The following SLC26A1 variants were observed in gnomAD, a reference collection of about 807,000 sequenced individuals.
SLC26A1 encodes sulfate anion transporter 1.
SLC26A1 carries 18 observed loss-of-function variants against 14.5 expected under a neutral mutation model. The ratio of observed to expected loss-of-function variants is 1.24; its 90% CI spans 0.86 to 1.84. SLC26A1 has a LOEUF of 1.84. SLC26A1 is among the 40% of genes most tolerant of loss of function. SLC26A1 has a pLI of 0.00. For synonymous variants in SLC26A1, 505 were observed against 492.0 expected, an observed-to-expected ratio of 1.03 and a Z score of -0.35; for missense variants, 1,049 against 1,020.0, an observed-to-expected ratio of 1.03 and a Z score of -0.39.
intron 2 of SLC26A1, among the ~76,000 whole-genome samples, chr4:981,173 G>A (rs188098971): frequency 2.0e-4 from 30 of 152,322 alleles, no homozygotes; most frequent in Non-Finnish European, 3.7e-4. Context: ...TCCAGGCTGC[G>A]CCGGGACCTC....
chr4:979,344 C>G, exon 3 of SLC26A1: 1 of 975,644 alleles, frequency 1.0e-6, no homozygotes, highest in Admixed American at 2.0e-5. Context: ...ACCGGCTTCT[C>G]GTGAGGCTGG....
downstream of SLC26A1, among the ~76,000 whole-genome samples, chr4:983,301 G>T (rs1713600847): frequency 6.6e-6 from 1 of 152,200 alleles, no homozygotes; most frequent in African/African-American, 2.4e-5. Flanking sequence ...GTCCCAGGCA[G>T]GTCGTAGAAA....
chr4:989,226 G>C lies in SLC26A1; in HGVS notation c.1713C>G (p.Ala571=), dbSNP rs36069160. The C allele has an allele frequency of 0.013, 21,472 of 1,611,008 alleles. 175 individuals are homozygous for C. The highest frequency in any genetic ancestry group is 0.016 in the Non-Finnish European group (18,710 of 1,178,684). ...LTGLDAGCMA[A]RRKEGGSETG... is the part of the protein sequence containing the mutation. ...TCTCTGAGCCCCCCTCCTTCCTCCTGGCAGCCATGCACCCTGCGTCCAGCC... is the reference window on the plus strand; with the variant it reads ...TCTCTGAGCCCCCCTCCTTCCTCCTCGCAGCCATGCACCCTGCGTCCAGCC... The change falls in exon 3 of 3, where the codon GCC becomes GCG. Residue 571 remains alanine (A), a synonymous_variant. Coordinates refer to ENST00000398516, the MANE Select transcript of SLC26A1 (RefSeq NM_022042.4).
downstream of SLC26A1, among the ~76,000 whole-genome samples, chr4:984,953 G>A (rs75230089): frequency 9.3e-4 from 142 of 152,180 alleles, 3 homozygotes; most frequent in East Asian, 0.017. Flanking sequence ...TTCCAGCACC[G>A]TGCAGTGAGG....
chr4:989,177 C>T lies in SLC26A1; in HGVS notation c.1762G>A (p.Ala588Thr). 5.6e-6 allele frequency: 9 copies of T among 1,607,144 alleles called. No homozygotes were observed. The highest frequency in any genetic ancestry group is 7.7e-6 in the Non-Finnish European group (9 of 1,176,208). The change falls in exon 3 of 3, where the codon GCC becomes ACC. Residue 588 changes from alanine (A) to threonine (T), a missense_variant. By Grantham distance (58) the Ala-to-Thr change is moderately conservative (BLOSUM62 0). Transcript: ENST00000398516. ...ACCGGGCCCAGGTCCTCGCCCTGGG[C>T]AGGGCCTCCCTCACCGACCCCCGTC... ...SETGVGEGGP[A>T]QGEDLGPVST...
chr4:987,674 CATTTT>C lies in SLC26A1; in HGVS notation c.*1154_*1158del. The stretch of plus-strand genomic sequence containing the variant: ...TCCCCACATTCCTGGCCCTAAGGGT[CATTTT>C]ATTAGTCACTGAACGCACGGGCAGC... On this transcript the variant is annotated 3_prime_UTR_variant, in exon 3 of 3. Coordinates refer to ENST00000398516, the MANE Select transcript of SLC26A1 (RefSeq NM_022042.4). The C allele has an allele frequency of 6.7e-7, 1 of 1,493,604 alleles. No individual in the cohort carries two copies. The highest frequency in any genetic ancestry group is 8.9e-7 in the Non-Finnish European group (1 of 1,118,748). The allele number at this position is 1,493,604 out of a possible 1,614,324, so 92.5% of individuals were successfully genotyped here.
intron 1 of SLC26A1, among the ~76,000 whole-genome samples, 199 bp downstream of exon 1, chr4:993,102 C>T (rs1439375520): frequency 6.6e-6 from 1 of 152,110 alleles, no homozygotes; most frequent in Non-Finnish European, 1.5e-5. Flanking sequence ...CCCTGGAAGA[C>T]CCCACCACAC....
chr4:988,057 C>T lies in SLC26A1; in HGVS notation c.*776G>A, dbSNP rs1172015871. 14 of 1,474,498 alleles carry T rather than the reference C, an allele frequency of 9.5e-6. No homozygotes were observed. Among genetic ancestry groups the T allele is most frequent in the South Asian group, 1.3e-5 (1 of 74,256 alleles). The allele number at this position is 1,474,498 out of a possible 1,614,324, so 91.3% of individuals were successfully genotyped here. A position where few individuals can be genotyped will look rare whatever the true frequency, so the allele number is the denominator to read the frequency against. ...GACCCCTTGTTCCCCCACCTCCCGC[C>T]GAAGCACCCTGTTGGGGAGAGCGTG... On this transcript the variant is annotated 3_prime_UTR_variant, in exon 3 of 3. Coordinates refer to ENST00000398516, the MANE Select transcript of SLC26A1 (RefSeq NM_022042.4).
Position 981,299 on chromosome 4 carries a change from C to T in SLC26A1, c.577-1795G>A, listed in dbSNP as rs527522575. Among the ~76,000 whole-genome samples, 30 of 152,316 alleles carry T rather than the reference C, an allele frequency of 2.0e-4. 1 individual carries two copies. The South Asian group carries it at 5.8e-3, about 29-fold the overall frequency. ...TGGGTTCTGGTGGCAACATATTCCT[C>T]GTTTCCAAATTTTACGTCCAAATAA... On this transcript the variant is annotated intron_variant, in intron 2 of 2. Transcript: ENST00000398520.
chr4:989,520 G>GT lies in SLC26A1; in HGVS notation c.1418_1419insA (p.Trp474LeufsTer61). On this transcript the variant is annotated frameshift_variant, in exon 3 of 3. Transcript: ENST00000398516. LOFTEE classifies it low-confidence loss of function (END_TRUNC). ...TACAGGTGGCCGCGGTGCCTGCCCA[G>GT]ACCAGCGCGTCAGCCGGGCTCATCC... 3 of 1,554,680 alleles carry GT rather than the reference G, an allele frequency of 1.9e-6. No individual in the cohort carries two copies. The highest frequency in any genetic ancestry group is 2.6e-6 in the Non-Finnish European group (3 of 1,149,982).
Position 988,302 on chromosome 4 carries a change from G to T in SLC26A1, c.*531C>A. The T allele has an allele frequency of 8.9e-7, 1 of 1,124,012 alleles. No individual in the cohort carries two copies. Among genetic ancestry groups the T allele is most frequent in the Non-Finnish European group, 1.1e-6 (1 of 915,196 alleles). The allele number at this position is 1,124,012 out of a possible 1,614,324, so 69.6% of individuals were successfully genotyped here. ...GAGGTCTCATCGGTCACAGCACCCT[G>T]GGCCCTGACGCTGGTGCAGGTGGCC... On this transcript the variant is annotated 3_prime_UTR_variant, in exon 3 of 3. Coordinates refer to ENST00000398516, the MANE Select transcript of SLC26A1 (RefSeq NM_022042.4).
Position 992,072 on chromosome 4 carries a change from C to T in SLC26A1, c.-27-342G>A, listed in dbSNP as rs944774509. The T allele has an allele frequency of 2.8e-5, 15 of 534,314 alleles. No homozygotes were observed. In the East Asian group the frequency reaches 3.1e-4, roughly 11 times the overall value. 33.1% of individuals were successfully genotyped at this position (534,314 alleles called of 1,614,324 possible). ...GGCTCTGCGGTTCCTGGCTGAAAAC[C>T]ACCCTGTAGCCTCCTGAAGCTCACC... On this transcript the variant is annotated intron_variant, in intron 1 of 2. Transcript: ENST00000398516.
rs371494303 is a variant in SLC26A1, at chr4:981,879, G to A, written c.577-2375C>T. Among the ~76,000 whole-genome samples the A allele has an allele frequency of 8.6e-5, 13 of 151,712 alleles. No individual in the cohort carries two copies. The South Asian group carries it at 2.7e-3, about 32-fold the overall frequency. On this transcript the variant is annotated intron_variant, in intron 2 of 2. Coordinates refer to the SLC26A1 transcript ENST00000398520. ...TGCCCAGGCTGGAGTGCAGTGGCGCGATCTCAGCTTGCTGCAAGCTCGGTG... is the reference window on the plus strand; with the variant it reads ...TGCCCAGGCTGGAGTGCAGTGGCGCAATCTCAGCTTGCTGCAAGCTCGGTG...
downstream of SLC26A1, among the ~76,000 whole-genome samples, chr4:982,881 A>G (rs1409770418): frequency 2.6e-5 from 4 of 152,192 alleles, no homozygotes; most frequent in African/African-American, 9.6e-5. Context: ...CTCTGTGTCA[A>G]ACCCCCCTCC....
At chr4:987,556 G>A, downstream of SLC26A1, 1 of 1,238,962 alleles carries the variant, frequency 8.1e-7, no homozygotes, top group South Asian at 1.6e-5. Context: ...TCCACCTAGA[G>A]CTGAGGTACC....
chr4:987,855 G>A lies in SLC26A1; in HGVS notation c.*978C>T. 1 of 1,612,470 alleles carries A rather than the reference G, an allele frequency of 6.2e-7. No individual in the cohort carries two copies. The highest frequency in any genetic ancestry group is 8.5e-7 in the Non-Finnish European group (1 of 1,179,862). ...GGCTGACCAGTACGTCCTCAGCTGG[G>A]ACCAGCAGCTCAACCTCGCCTATGT... On this transcript the variant is annotated 3_prime_UTR_variant, in exon 3 of 3. Coordinates refer to ENST00000398516, the MANE Select transcript of SLC26A1 (RefSeq NM_022042.4).
Position 989,085 on chromosome 4 carries a change from C to T in SLC26A1, c.1854G>A (p.Pro618=), listed in dbSNP as rs748205966. The part of the protein sequence containing the change: ...GFHTVVIDCA[P]LLFLDAAGVS... ...CACCGGCTGCGTCTAGGAACAGCAG[C>T]GGGGCGCAGTCGATGACCACTGTGT... Residue 618 remains proline, a synonymous_variant, in exon 3 of 3, where the codon CCG becomes CCA. Coordinates refer to ENST00000398516, the MANE Select transcript of SLC26A1 (RefSeq NM_022042.4). 144 of 1,596,900 alleles carry T rather than the reference C, an allele frequency of 9.0e-5. 3 individuals are homozygous for T. In the Middle Eastern group the frequency reaches 4.6e-3, roughly 51 times the overall value.
Position 988,722 on chromosome 4 carries a change from G to C in SLC26A1, c.*111C>G. The C allele has an allele frequency of 1.4e-6, 2 of 1,424,956 alleles. No individual in the cohort carries two copies. The highest frequency in any genetic ancestry group is 3.0e-5 in the South Asian group (2 of 65,988). The allele number at this position is 1,424,956 out of a possible 1,614,324, so 88.3% of individuals were successfully genotyped here. A position where few individuals can be genotyped will look rare whatever the true frequency, so the allele number is the denominator to read the frequency against. ...TTTCCCCAGGGCAGCTGTGGCACAA[G>C]AGTGCAGCTCTTGGGTGGCTCCTCC... On this transcript the variant is annotated 3_prime_UTR_variant, in exon 3 of 3. Coordinates refer to ENST00000398516, the MANE Select transcript of SLC26A1 (RefSeq NM_022042.4).
At position 991,139 on chromosome 4, in the gene SLC26A1, C is replaced by A; in HGVS notation, c.565G>T (p.Gly189Trp). The A allele has an allele frequency of 6.5e-7, 1 of 1,543,256 alleles. No individual in the cohort carries two copies. The change falls in exon 2 of 3, where the codon GGG (glycine) becomes TGG (tryptophan). Residue 189 changes from glycine to tryptophan, a missense_variant. Transcript: ENST00000398516. ...RVATALTLMT[G>W]LYQVLMGVLR... ...GCAGGGCTCCTCACCTGGTAAAGCC[C>A]GGTCATCAGCGTGAGGGCGGTGGCG...
Sources: allele counts gnomAD v4.1 joint callset (sites outside exome capture counted in the v4.1 genomes callset), GRCh38; gene constraint gnomAD v4.1.1; transcripts MANE v1.5; gene names NCBI Gene and HGNC (gene_info 2026-07-23, HGNC 2026-07-21).